The following CLASP2 variants were observed in gnomAD, a reference collection of about 807,000 sequenced individuals.
CLASP2 encodes CLIP-associating protein 2.
CLASP2 carries 47 observed loss-of-function variants against 194.4 expected under a neutral mutation model. The ratio of observed to expected loss-of-function variants is 0.24; its 90% confidence interval spans 0.19 to 0.31. The LOEUF is 0.31. Among genes scored for constraint, CLASP2 ranks in the 10% least tolerant of loss-of-function variants. The pLI, the probability that CLASP2 is intolerant of heterozygous loss-of-function variation, is 1.00. For synonymous variants in CLASP2, 619 were observed against 633.5 expected (o/e 0.98, Z 0.34); for missense variants, 1,445 against 1,823.6 (o/e 0.79, Z 3.78).
rs1363827511 is a variant in CLASP2 at position 33,658,834 on chromosome 3, A to T, written c.715+4611T>A. On this transcript the variant is annotated intron_variant, in intron 7 of 38. Coordinates refer to ENST00000682230, the MANE Select transcript of CLASP2 (RefSeq NM_001365631.1). ...CATGCACACACATGCATAAATGTAC[A>T]CACAAGTGTACACACATGCATAAAC... is the stretch of plus-strand genomic sequence containing the variant. The T allele has an allele frequency of 4.3e-6, 3 of 701,606 alleles. No homozygotes were observed. In the East Asian group the frequency reaches 8.5e-5, roughly 20 times the overall value. 43.5% of individuals were successfully genotyped at this position (701,606 alleles called of 1,614,324 possible). A position where few individuals can be genotyped will look rare whatever the true frequency, so the allele number is the denominator to read the frequency against.
intron 6 of CLASP2, among the ~76,000 whole-genome samples, chr3:33,667,945 C>T (rs527338213): frequency 6.4e-4 from 97 of 152,270 alleles, no homozygotes; most frequent in African/African-American, 2.0e-3. Flanking sequence ...CCTCACTGGG[C>T]GCAGTGGCCC....
chr3:33,670,018 T>A (rs1490050366), intron 6 of CLASP2, among the ~76,000 whole-genome samples: 1 of 152,162 alleles, frequency 6.6e-6, no homozygotes, highest in East Asian at 1.9e-4. Flanking sequence ...TGGAAAACTA[T>A]AAGGCTATCA....
chr3:33,509,220 CTGATA>C (rs1316180282), intron 37 of CLASP2, among the ~76,000 whole-genome samples: 3 of 152,214 alleles, frequency 2.0e-5, no homozygotes, highest in Non-Finnish European at 2.9e-5. Context: ...TCTTATCTAT[CTGATA>C]TGTGTATTGA....
intron 7 of CLASP2, chr3:33,659,216 T>C (rs959326163): frequency 1.5e-6 from 2 of 1,317,648 alleles, no homozygotes; most frequent in African/African-American, 3.0e-5. Context: ...TAGCACAGCC[T>C]AGAAGGACTT....
rs750418452 is a variant in CLASP2 at position 33,535,543 on chromosome 3, C to T, written c.3559-82G>A. The T allele has an allele frequency of 9.1e-4, 1,005 of 1,100,342 alleles. 3 individuals carry two copies. The highest frequency in any genetic ancestry group is 1.1e-3 in the Non-Finnish European group (817 of 769,344). The allele number at this position is 1,100,342 out of a possible 1,614,324, so 68.2% of individuals were successfully genotyped here. ...AACATTCTAAAAAGATATTTCTCTA[C>T]TGCTTAAAAGACAATTTTAAAAAGA... On this transcript the variant is annotated intron_variant, in intron 33 of 38. Coordinates refer to ENST00000682230, the MANE Select transcript of CLASP2 (RefSeq NM_001365631.1).
intron 21 of CLASP2, among the ~76,000 whole-genome samples, chr3:33,589,444 G>C (rs1299866240): frequency 6.6e-6 from 1 of 152,008 alleles, no homozygotes; most frequent in African/African-American, 2.4e-5. Flanking sequence ...GACAAAGTAA[G>C]GATGATGATC....
intron 12 of CLASP2, among the ~76,000 whole-genome samples, chr3:33,614,317 G>A (rs2075732868): frequency 6.6e-6 from 1 of 152,042 alleles, no homozygotes; most frequent in African/African-American, 2.4e-5. Context: ...ACAGAGACAA[G>A]AAGTTATTCA....
At chr3:33,684,325 A>G (rs1192804773) in intron 6 of CLASP2, 34 bp downstream of exon 6, 3 of 1,264,386 alleles carry the variant, frequency 2.4e-6, no homozygotes, top group Non-Finnish European at 3.3e-6. Flanking sequence ...TAGTGGTGAA[A>G]AAAAAAAAAA....
At chr3:33,499,238 A>T (rs915434679) in intron 38 of CLASP2, among the ~76,000 whole-genome samples, 1 of 152,146 alleles carries the variant, frequency 6.6e-6, no homozygotes, top group African/African-American at 2.4e-5. Flanking sequence ...CATGTGAAGA[A>T]GGACATGTTT....
intron 6 of CLASP2, among the ~76,000 whole-genome samples, chr3:33,668,359 T>C (rs766423286): frequency 1.3e-5 from 2 of 152,242 alleles, no homozygotes; most frequent in South Asian, 2.1e-4. Flanking sequence ...TAGAGGGCTA[T>C]ATCCAACAGA....
intron 35 of CLASP2, 50 bp downstream of exon 35, chr3:33,516,931 G>T: frequency 6.8e-7 from 1 of 1,477,940 alleles, no homozygotes; most frequent in Non-Finnish European, 9.4e-7. Flanking sequence ...AACAGGCAAT[G>T]TAAAAGAGAC....
chr3:33,709,072 T>C (rs934897932), intron 1 of CLASP2, among the ~76,000 whole-genome samples: 4 of 152,204 alleles, frequency 2.6e-5, no homozygotes, highest in East Asian at 1.9e-4. Context: ...GTTTTGTTGA[T>C]TGCTTCCTTT....
Position 33,516,962 on chromosome 3 carries a change from T to C in CLASP2, c.3981+19A>G, listed in dbSNP as rs190374140. 3.3e-5 allele frequency: 53 copies of C among 1,601,762 alleles called. No homozygotes were observed. The highest frequency in any genetic ancestry group is 1.5e-4 in the Admixed American group (9 of 59,376). ...GAGACAGGAAGGAAAGGCTACTGTT[T>C]ACATATTTTGCCATTTACCTCTTTA... is the stretch of plus-strand genomic sequence containing the variant. On this transcript the variant is annotated intron_variant, in intron 35 of 38. Coordinates refer to ENST00000682230, the MANE Select transcript of CLASP2 (RefSeq NM_001365631.1).
chr3:33,666,849 C>G (rs766477346), intron 6 of CLASP2, among the ~76,000 whole-genome samples: 1 of 152,142 alleles, frequency 6.6e-6, no homozygotes, highest in Non-Finnish European at 1.5e-5. Context: ...TCCAATTGCT[C>G]TACATCCTCA....
At chr3:33,627,460 A>G (rs2078253218) in intron 9 of CLASP2, among the ~76,000 whole-genome samples, 1 of 152,182 alleles carries the variant, frequency 6.6e-6, no homozygotes, top group African/African-American at 2.4e-5. Flanking sequence ...AGGACATGTT[A>G]TAAGTTAGTT....
intron 33 of CLASP2, among the ~76,000 whole-genome samples, chr3:33,537,934 G>C (rs1315588774): frequency 6.6e-6 from 1 of 152,168 alleles, no homozygotes; most frequent in Non-Finnish European, 1.5e-5. Flanking sequence ...AAGGTCAGGA[G>C]ATCGAGACCA....
At chr3:33,695,121 G>A (rs1045552468) in intron 2 of CLASP2, among the ~76,000 whole-genome samples, 6 of 149,394 alleles carry the variant, frequency 4.0e-5, no homozygotes, top group South Asian at 2.1e-4. Context: ...GCTTGGTGGT[G>A]CAATCTTAGT....
At chr3:33,528,131 C>A (rs1446488018) in intron 34 of CLASP2, among the ~76,000 whole-genome samples, 1 of 152,110 alleles carries the variant, frequency 6.6e-6, no homozygotes, top group Non-Finnish European at 1.5e-5. Flanking sequence ...GCAACGCTGG[C>A]TCAACATTCA....
intron 6 of CLASP2, among the ~76,000 whole-genome samples, chr3:33,682,199 AAAC>A (rs914877681): frequency 6.6e-6 from 1 of 152,240 alleles, no homozygotes; most frequent in Admixed American, 6.5e-5. Flanking sequence ...GATATTTATG[AAAC>A]AACTGGAAAT....
Sources: gnomAD v4.1 joint callset for allele counts (sites outside exome capture counted in the v4.1 genomes callset) on GRCh38, gnomAD v4.1.1 for gene constraint, MANE v1.5 for transcripts, NCBI Gene and HGNC (gene_info 2026-07-23, HGNC 2026-07-21) for gene names.